Variants in ATP10D observed in about 807,000 individuals in gnomAD.
The protein encoded by ATP10D is phospholipid-transporting ATPase VD.
A neutral mutation model predicts 144.8 loss-of-function variants in ATP10D; 89 were observed. The observed-to-expected ratio is 0.61, with a 90% CI of 0.52 to 0.73. The LOEUF (loss-of-function observed/expected upper bound fraction) is 0.73, where lower values mean the gene tolerates loss of function less well. Ranked by LOEUF, ATP10D falls within the 30% of genes least tolerant of loss-of-function variation. ATP10D has a pLI of 0.00. For synonymous variants in ATP10D, 571 were observed against 615.1 expected, an observed-to-expected ratio of 0.93 and a Z score of 1.06; for missense variants, 1,603 against 1,714.8, an observed-to-expected ratio of 0.93 and a Z score of 1.15.
intron 12 of ATP10D, 84 bp from the exon 13 acceptor site, chr4:47,558,839 T>G: frequency 9.1e-7 from 1 of 1,097,054 alleles, no homozygotes; most frequent in Non-Finnish European, 1.3e-6. Flanking sequence ...TTTTTTAGTG[T>G]GGATAAAACT....
intron 5 of ATP10D, among the ~76,000 whole-genome samples, chr4:47,527,020 A>T (rs948207188): frequency 5.9e-5 from 9 of 152,124 alleles, no homozygotes; most frequent in Admixed American, 2.6e-4. Flanking sequence ...AACAAGAAAA[A>T]AGCTAGAAGG....
At chr4:47,500,117 C>T (rs1038674170) in intron 1 of ATP10D, among the ~76,000 whole-genome samples, 4 of 152,152 alleles carry the variant, frequency 2.6e-5, no homozygotes, top group African/African-American at 9.7e-5. Flanking sequence ...GGGTTCATTC[C>T]ACAAATATTC....
chr4:47,488,612 CAAAAAAA>C (rs56859197), intron 1 of ATP10D, among the ~76,000 whole-genome samples: 2 of 91,318 alleles, frequency 2.2e-5, no homozygotes, highest in Non-Finnish European at 2.3e-5. Context: ...ATATAATAAG[CAAAAAAA>C]AAAAAAAAAA....
At position 47,593,019 on chromosome 4, in the gene ATP10D, T is replaced by A. The variant is rs1251992733; in HGVS notation, c.*1638T>A. 6.6e-6 allele frequency: 1 copy of A among 152,122 alleles called. No individual in the cohort carries two copies. The highest frequency in any genetic ancestry group is 1.5e-5 in the Non-Finnish European group (1 of 68,002). 9.4% of individuals were successfully genotyped at this position (152,122 alleles called of 1,614,324 possible). On this transcript the variant is annotated 3_prime_UTR_variant, in exon 23 of 23. Coordinates refer to ENST00000273859, the MANE Select transcript of ATP10D (RefSeq NM_020453.4). ...CTTTTCTTATATGGAAAATCACTGA[T>A]GTCATATCATTTATTATCCTCACAG...
At chr4:47,514,530 A>AT (rs1305952903) in intron 2 of ATP10D, among the ~76,000 whole-genome samples, 3 of 152,214 alleles carry the variant, frequency 2.0e-5, no homozygotes, top group Admixed American at 2.0e-4. Context: ...TGTTATCAAA[A>AT]TGTAATGGCA....
In ATP10D at chr4:47,525,604, A is replaced by G. The variant is rs373035051; in HGVS notation, c.738A>G (p.Glu246=). 5.6e-6 allele frequency: 9 copies of G among 1,613,698 alleles called. No homozygotes were observed. The African/African-American group carries it at 1.2e-4, about 22-fold the overall frequency. Residue 246 remains glutamate (E), a synonymous_variant, in exon 5 of 23, where the codon GAA becomes GAG. Transcript: ENST00000273859. Reference sequence around the variant, plus strand: ...AGTTTTCCAGTAGGATAGAATGTGAAAGCCCAAACAATGACCTCAGCAGAT... The same window carrying G: ...AGTTTTCCAGTAGGATAGAATGTGAGAGCCCAAACAATGACCTCAGCAGAT... The part of the protein sequence containing the change: ...PEKFSSRIEC[E]SPNNDLSRFR...
At chr4:47,534,340 GAAAC>G (rs932536606) in intron 5 of ATP10D, among the ~76,000 whole-genome samples, 5 of 152,118 alleles carry the variant, frequency 3.3e-5, no homozygotes, top group African/African-American at 7.2e-5. Flanking sequence ...AGAATCTGAT[GAAAC>G]AAACAGAGTC....
Position 47,535,800 on chromosome 4 carries a change from A to G in ATP10D, c.884-102A>G, listed in dbSNP as rs528341077. On this transcript the variant is annotated intron_variant, in intron 6 of 22. Transcript: ENST00000273859. ...TTGAACTGACAAAATAGATCATGTA[A>G]CTGTGTTTTATTAAATTGTCTGCAA... 921 of 1,389,310 alleles carry G rather than the reference A, an allele frequency of 6.6e-4. 8 individuals carry two copies. In the South Asian group the frequency reaches 0.013, roughly 19 times the overall value. 86.1% of individuals were successfully genotyped at this position (1,389,310 alleles called of 1,614,324 possible). A position where few individuals can be genotyped will look rare whatever the true frequency, so the allele number is the denominator to read the frequency against.
intron 1 of ATP10D, among the ~76,000 whole-genome samples, chr4:47,497,460 A>T (rs1715448770): frequency 6.8e-6 from 1 of 146,966 alleles, no homozygotes; most frequent in African/African-American, 2.5e-5. Flanking sequence ...CGTCTCAAAT[A>T]AAAAAAAAAA....
intron 9 of ATP10D, among the ~76,000 whole-genome samples, chr4:47,543,159 G>A (rs1718244849): frequency 6.6e-6 from 1 of 151,976 alleles, no homozygotes. Flanking sequence ...TTTATTATTA[G>A]TTATTGTTGT....
At chr4:47,499,824 T>A (rs1021008333) in intron 1 of ATP10D, among the ~76,000 whole-genome samples, 22 of 152,196 alleles carry the variant, frequency 1.4e-4, no homozygotes, top group Admixed American at 3.9e-4. Flanking sequence ...AACGATAAAA[T>A]TTAAATACTT....
chr4:47,502,710 A>G (rs570437257), intron 1 of ATP10D, among the ~76,000 whole-genome samples: 6 of 149,308 alleles, frequency 4.0e-5, no homozygotes, highest in African/African-American at 1.5e-4. Context: ...GTGATATTAT[A>G]TATAAATATA....
Position 47,568,833 on chromosome 4 carries a change from C to G in ATP10D, c.2854-4C>G. 6.2e-7 allele frequency: 1 copy of G among 1,608,700 alleles called. No homozygotes were observed. Among genetic ancestry groups the G allele is most frequent in the Non-Finnish European group, 8.5e-7 (1 of 1,176,218 alleles). ...GGCTAACCACCTTTGCCTCTTGTTT[C>G]AAGGATGCCTGTGGGATGCTGATGA... On this transcript the variant is annotated splice_region_variant and splice_polypyrimidine_tract_variant and intron_variant, in intron 15 of 22. Transcript: ENST00000273859.
At chr4:47,491,928 C>T (rs1577602428) in intron 1 of ATP10D, among the ~76,000 whole-genome samples, 1 of 152,282 alleles carries the variant, frequency 6.6e-6, no homozygotes, top group East Asian at 1.9e-4. Flanking sequence ...GAACTAAATA[C>T]TTGACCTGTT....
chr4:47,508,075 G>T (rs1716118822), intron 1 of ATP10D, among the ~76,000 whole-genome samples: 1 of 152,194 alleles, frequency 6.6e-6, no homozygotes, highest in Non-Finnish European at 1.5e-5. Flanking sequence ...AGGCTTTGGA[G>T]ACTGTGACTA....
Position 47,526,746 on chromosome 4 carries a change from T to A in ATP10D, c.776+1104T>A, listed in dbSNP as rs192657980. On this transcript the variant is annotated intron_variant, in intron 5 of 22. Transcript: ENST00000273859. ...AATAATTAGCAGATATTGAAATTTTTAAACATACAATTTATTATAGCATCA... is the reference window on the plus strand; with the variant it reads ...AATAATTAGCAGATATTGAAATTTTAAAACATACAATTTATTATAGCATCA... Among the ~76,000 whole-genome samples the A allele has an allele frequency of 3.8e-3, 578 of 152,278 alleles. 13 individuals carry two copies. Among genetic ancestry groups the A allele is most frequent in the Non-Finnish European group, 5.4e-4 (37 of 67,998 alleles).
At chr4:47,507,198 A>AC (rs1716061250) in intron 1 of ATP10D, among the ~76,000 whole-genome samples, 1 of 152,216 alleles carries the variant, frequency 6.6e-6, no homozygotes, top group Non-Finnish European at 1.5e-5. Context: ...TAGAGAGAAC[A>AC]CTTTGTAAAA....
chr4:47,529,192 T>A (rs569597721), intron 5 of ATP10D, among the ~76,000 whole-genome samples: 2 of 152,316 alleles, frequency 1.3e-5, no homozygotes, highest in South Asian at 4.1e-4. Flanking sequence ...GCTTTCGAAG[T>A]CTTAATCATA....
chr4:47,488,823 C>T (rs180956901), intron 1 of ATP10D, among the ~76,000 whole-genome samples: 19 of 152,170 alleles, frequency 1.2e-4, no homozygotes, highest in Admixed American at 3.3e-4. Context: ...GAAAGGATTC[C>T]TCATGAATGG....
Sources: gnomAD v4.1 joint callset for allele counts (sites outside exome capture counted in the v4.1 genomes callset) on GRCh38, gnomAD v4.1.1 for gene constraint, MANE v1.5 for transcripts, NCBI Gene and HGNC (gene_info 2026-07-23, HGNC 2026-07-21) for gene names.